PROM1: variants seen among roughly 807,000 people sequenced by gnomAD.
PROM1 encodes the protein prominin 1.
PROM1 carries 105 observed loss-of-function variants against 116.9 expected under a neutral mutation model. The observed-to-expected ratio is 0.90, with a 90% CI of 0.77 to 1.06. The LOEUF (loss-of-function observed/expected upper bound fraction) is 1.06, where lower values mean the gene tolerates loss of function less well. Ranked by LOEUF, PROM1 falls within the 50% of genes least tolerant of loss-of-function variation. PROM1 has a pLI of 0.00. For synonymous variants in PROM1, 393 were observed against 387.0 expected, an observed-to-expected ratio of 1.02 and a Z score of -0.18; for missense variants, 1,122 against 1,045.2, an observed-to-expected ratio of 1.07 and a Z score of -1.01.
chr4:16,045,754 T>C (rs1048318806), intron 2 of PROM1, among the ~76,000 whole-genome samples: 3 of 152,178 alleles, frequency 2.0e-5, no homozygotes, highest in Admixed American at 6.5e-5. Flanking sequence ...CACTGAAATA[T>C]ATGAATTCCT....
At chr4:16,066,501 T>C (rs1255291396) in intron 2 of PROM1, among the ~76,000 whole-genome samples, 4 of 152,132 alleles carry the variant, frequency 2.6e-5, no homozygotes, top group African/African-American at 9.7e-5. Flanking sequence ...GACGTCAGAG[T>C]TGGGATTCAA....
intron 2 of PROM1, among the ~76,000 whole-genome samples, chr4:16,063,134 AC>A (rs1346947513): frequency 6.6e-6 from 1 of 152,204 alleles, no homozygotes; most frequent in Non-Finnish European, 1.5e-5. Context: ...CTCTATAAGT[AC>A]TAGTTTACAG....
In PROM1 at chr4:16,042,486, C is replaced by T. The variant is rs148579170; in HGVS notation, c.221-3485G>A. Among the ~76,000 whole-genome samples, 241 of 152,210 alleles carry T rather than the reference C, an allele frequency of 1.6e-3. 1 individual carries two copies. The highest frequency in any genetic ancestry group is 2.6e-3 in the Admixed American group (40 of 15,298). On this transcript the variant is annotated intron_variant, in intron 2 of 27. Coordinates refer to ENST00000447510, the MANE Select transcript of PROM1 (RefSeq NM_006017.3). ...ATGATTAAAAATTACTTAATGGGTACGGTGTACATTATTCAGGTGATGGAT... is the reference window on the plus strand; with the variant it reads ...ATGATTAAAAATTACTTAATGGGTATGGTGTACATTATTCAGGTGATGGAT...
intron 5 of PROM1, among the ~76,000 whole-genome samples, chr4:16,028,495 A>C (rs948291240): frequency 5.3e-5 from 8 of 152,220 alleles, no homozygotes; most frequent in African/African-American, 1.9e-4. Flanking sequence ...TAACAAAAAA[A>C]ATTTAAATAC....
chr4:16,077,503 T>C (rs1331694725), intron 1 of PROM1, among the ~76,000 whole-genome samples: 2 of 152,196 alleles, frequency 1.3e-5, no homozygotes, highest in African/African-American at 2.4e-5. Flanking sequence ...CTCCGTACGC[T>C]GAACGCTGGT....
chr4:16,024,214 C>T lies in PROM1; in HGVS notation c.694+81G>A, dbSNP rs17478336. Reference sequence around the variant, plus strand: ...TCTGTCTTCCCCCAACTTTCACGTACGTCATTTCTTAGTCCATGTTTTATG... The same window carrying T: ...TCTGTCTTCCCCCAACTTTCACGTATGTCATTTCTTAGTCCATGTTTTATG... On this transcript the variant is annotated intron_variant, in intron 7 of 27. Coordinates refer to ENST00000447510, the MANE Select transcript of PROM1 (RefSeq NM_006017.3). The T allele has an allele frequency of 0.52, 653,019 of 1,246,230 alleles. 183,029 individuals carry two copies. The highest frequency in any genetic ancestry group is 0.58 in the Non-Finnish European group (506,867 of 867,672). 77.2% of individuals were successfully genotyped at this position (1,246,230 alleles called of 1,614,324 possible).
chr4:15,984,116 G>A (rs1208943414), intron 23 of PROM1, 147 bp downstream of exon 23: 2 of 593,482 alleles, frequency 3.4e-6, no homozygotes, highest in Non-Finnish European at 5.6e-6. Flanking sequence ...TAGTCTATTA[G>A]CATCTCAATA....
Position 16,075,978 on chromosome 4 carries a change from G to A in PROM1, c.-72C>T. The A allele has an allele frequency of 2.7e-6, 4 of 1,487,214 alleles. No individual in the cohort carries two copies. Among genetic ancestry groups the A allele is most frequent in the South Asian group, 2.8e-5 (2 of 72,128 alleles). The allele number at this position is 1,487,214 out of a possible 1,614,324, so 92.1% of individuals were successfully genotyped here. A position where few individuals can be genotyped will look rare whatever the true frequency, so the allele number is the denominator to read the frequency against. On this transcript the variant is annotated 5_prime_UTR_variant, in exon 2 of 28. Transcript: ENST00000447510. ...CCTCAGAGCTTCTGGAAGCCTTGGG[G>A]AAGGCAAGCGTGTTCCTGGGCAGAA... is the stretch of plus-strand genomic sequence containing the variant.
At position 16,036,051 on chromosome 4, in the gene PROM1, AGG is replaced by A. The variant is rs140429371; in HGVS notation, c.277-292_277-291del. 9.8e-5 allele frequency among the ~76,000 whole-genome samples: 15 copies of A among 152,324 alleles called. No individual in the cohort carries two copies. In the East Asian group the frequency reaches 2.9e-3, roughly 29 times the overall value. Reference sequence around the variant, plus strand: ...AATCGGTTACGCAAAGGAGAATTAGAGGGGAAGTTACAAATGCTTAACACACT... The same window carrying A: ...AATCGGTTACGCAAAGGAGAATTAGAGGAAGTTACAAATGCTTAACACACT... On this transcript the variant is annotated intron_variant, in intron 3 of 27. Coordinates refer to ENST00000447510, the MANE Select transcript of PROM1 (RefSeq NM_006017.3).
At chr4:16,076,891 A>C (rs987868305) in intron 1 of PROM1, among the ~76,000 whole-genome samples, 2 of 152,264 alleles carry the variant, frequency 1.3e-5, no homozygotes, top group Non-Finnish European at 2.9e-5. Flanking sequence ...TGAAGGCAGC[A>C]TGCTCGTTAA....
Position 16,023,435 on chromosome 4 carries a change from A to G in PROM1, c.695-20T>C. On this transcript the variant is annotated intron_variant, in intron 7 of 27. Coordinates refer to ENST00000447510, the MANE Select transcript of PROM1 (RefSeq NM_006017.3). Reference sequence around the variant, plus strand: ...TGATACCTACATGCAAATAAGCACAAAGATGGTGAGGGTGGCCTCTGCTCA... The same window carrying G: ...TGATACCTACATGCAAATAAGCACAGAGATGGTGAGGGTGGCCTCTGCTCA... 6.4e-7 allele frequency: 1 copy of G among 1,556,030 alleles called. No individual in the cohort carries two copies. The highest frequency in any genetic ancestry group is 8.8e-7 in the Non-Finnish European group (1 of 1,139,004).
At chr4:15,974,493 C>T (rs1280261120) in intron 26 of PROM1, among the ~76,000 whole-genome samples, 1 of 152,186 alleles carries the variant, frequency 6.6e-6, no homozygotes, top group Non-Finnish European at 1.5e-5. Context: ...CACTCAGAAG[C>T]AGCCCACTTC....
chr4:16,055,004 A>C (rs1738686397), intron 2 of PROM1, among the ~76,000 whole-genome samples: 1 of 152,186 alleles, frequency 6.6e-6, no homozygotes. Flanking sequence ...TATTCTACGT[A>C]AATACATTTG....
chr4:15,976,675 T>C (rs796192425), intron 26 of PROM1, among the ~76,000 whole-genome samples: 13 of 152,346 alleles, frequency 8.5e-5, no homozygotes, highest in African/African-American at 2.9e-4. Context: ...GAGAGGACCC[T>C]GGCATCTCAA....
intron 2 of PROM1, among the ~76,000 whole-genome samples, chr4:16,069,909 G>C (rs1252416429): frequency 6.6e-6 from 1 of 152,190 alleles, no homozygotes. Flanking sequence ...AGCTAGATGG[G>C]ATACAGCTGG....
chr4:15,972,531 T>C (rs1364067341), intron 26 of PROM1, among the ~76,000 whole-genome samples: 1 of 152,176 alleles, frequency 6.6e-6, no homozygotes, highest in East Asian at 1.9e-4. Context: ...TAACCACCTG[T>C]CCAAGGTCTC....
At chr4:16,024,612 A>G (rs567250070) in intron 6 of PROM1, among the ~76,000 whole-genome samples, 6 of 152,318 alleles carry the variant, frequency 3.9e-5, no homozygotes, top group Admixed American at 1.3e-4. Flanking sequence ...GGAATACAGA[A>G]GAAAGGGTAC....
chr4:16,040,018 C>A (rs1233626910), intron 2 of PROM1, among the ~76,000 whole-genome samples: 1 of 152,066 alleles, frequency 6.6e-6, no homozygotes, highest in East Asian at 1.9e-4. Context: ...TGTGCGGGTG[C>A]CTTCCCGCCA....
chr4:16,040,324 C>T (rs1220865087), intron 2 of PROM1, among the ~76,000 whole-genome samples: 1 of 152,160 alleles, frequency 6.6e-6, no homozygotes, highest in Non-Finnish European at 1.5e-5. Context: ...ATAGTTTCTT[C>T]ACAGTACCTC....
Sources: gnomAD v4.1 joint callset for allele counts (sites outside exome capture counted in the v4.1 genomes callset) on GRCh38, gnomAD v4.1.1 for gene constraint, MANE v1.5 for transcripts, NCBI Gene and HGNC (gene_info 2026-07-23, HGNC 2026-07-21) for gene names.